The following KANK1 variants were observed in gnomAD, a reference collection of about 807,000 sequenced individuals.
KANK1 encodes KN motif and ankyrin repeat domain-containing protein 1.
Under a neutral mutation model 106.2 loss-of-function variants are expected in KANK1, and 109 were observed. That is an observed-to-expected ratio of 1.03 (90% CI 0.88 to 1.20). KANK1 has a LOEUF of 1.20. Among genes scored for constraint, KANK1 ranks in the 50% most tolerant of loss-of-function variants. The pLI, the probability that KANK1 is intolerant of heterozygous loss-of-function variation, is 0.00. For synonymous variants in KANK1, 873 were observed against 652.2 expected, an observed-to-expected ratio of 1.34 and a Z score of -5.16; for missense variants, 2,399 against 1,710.7, an observed-to-expected ratio of 1.40 and a Z score of -7.10.
chr9:555,417 C>A (rs1191647195), intron 1 of KANK1, among the ~76,000 whole-genome samples: 1 of 152,210 alleles, frequency 6.6e-6, no homozygotes, highest in Admixed American at 6.5e-5. Flanking sequence ...CTCTTCCACT[C>A]AGTCTGCTAT....
chr9:721,297 A>C (rs2131329957), intron 3 of KANK1, among the ~76,000 whole-genome samples: 1 of 152,324 alleles, frequency 6.6e-6, no homozygotes, highest in African/African-American at 2.4e-5. Flanking sequence ...GAAAAGAGGA[A>C]GTCACCTAAT....
chr9:472,662 A>G (rs2058041283), intron 2 of KANK1, among the ~76,000 whole-genome samples: 1 of 152,196 alleles, frequency 6.6e-6, no homozygotes. Context: ...GCTAGTATAG[A>G]AAGAGATCCA....
At chr9:483,123 C>T (rs1371360134) in intron 3 of KANK1, among the ~76,000 whole-genome samples, 1 of 151,984 alleles carries the variant, frequency 6.6e-6, no homozygotes, top group African/African-American at 2.4e-5. Flanking sequence ...AGTTGTTATC[C>T]TTTATTGTAC....
At chr9:570,929 G>A (rs1489405616) in intron 1 of KANK1, among the ~76,000 whole-genome samples, 1 of 152,146 alleles carries the variant, frequency 6.6e-6, no homozygotes, top group African/African-American at 2.4e-5. Context: ...TGAAATCTGT[G>A]TGGAATTTTT....
At position 613,986 on chromosome 9, in the gene KANK1, C is replaced by T. The variant is rs777579220; in HGVS notation, c.-83-62904C>T. On this transcript the variant is annotated intron_variant, in intron 1 of 11. Transcript: ENST00000382297. Reference sequence around the variant, plus strand: ...TTTCTCCTCCCCTCTTATTTGAGGCCGGGAAGAAGGCGCTGTGCATAGCGC... The same window carrying T: ...TTTCTCCTCCCCTCTTATTTGAGGCTGGGAAGAAGGCGCTGTGCATAGCGC... 3.9e-5 allele frequency among the ~76,000 whole-genome samples: 6 copies of T among 152,080 alleles called. No homozygotes were observed. In the East Asian group the frequency reaches 5.8e-4, roughly 15 times the overall value.
rs373895812 is a variant in KANK1 at position 608,781 on chromosome 9, C to CT, written c.-83-68107dup. Among the ~76,000 whole-genome samples the CT allele has an allele frequency of 9.7e-4, 147 of 152,318 alleles. 1 individual carries two copies. The highest frequency in any genetic ancestry group is 3.4e-3 in the African/African-American group (140 of 41,568). ...TAGATGAAGGCAACTCACAGAGTTA[C>CT]TTAACAACCTCCACCCCAGTTGATG... On this transcript the variant is annotated intron_variant, in intron 1 of 11. Coordinates refer to ENST00000382297, the MANE Select transcript of KANK1 (RefSeq NM_015158.5).
Position 597,520 on chromosome 9 carries a change from T to C in KANK1, c.-83-79370T>C, listed in dbSNP as rs796856511. 4.6e-5 allele frequency among the ~76,000 whole-genome samples: 7 copies of C among 151,906 alleles called. 1 individual carries two copies. Among genetic ancestry groups the C allele is most frequent in the African/African-American group, 1.7e-4 (7 of 41,186 alleles). ...TTTGTATATCTTCTTTGGAGACATG[T>C]CTGTTGAAGTCCTTTGCCCATTTAA... On this transcript the variant is annotated intron_variant, in intron 1 of 11. Coordinates refer to ENST00000382297, the MANE Select transcript of KANK1 (RefSeq NM_015158.5).
chr9:681,788 A>G (rs985464944), intron 2 of KANK1, among the ~76,000 whole-genome samples: 6 of 152,124 alleles, frequency 3.9e-5, no homozygotes, highest in Admixed American at 3.3e-4. Context: ...CATTAAACCC[A>G]GTTAAATGAC....
chr9:572,955 T>G (rs899012116), intron 1 of KANK1, among the ~76,000 whole-genome samples: 1 of 152,222 alleles, frequency 6.6e-6, no homozygotes, highest in African/African-American at 2.4e-5. Context: ...ATTATCACAA[T>G]GTATGTCCTA....
chr9:583,948 G>A (rs1822808953), intron 1 of KANK1, among the ~76,000 whole-genome samples: 2 of 152,092 alleles, frequency 1.3e-5, no homozygotes, highest in Admixed American at 1.3e-4. Context: ...TTGTTAGAGG[G>A]GGTGTGGAGG....
chr9:647,005 A>G (rs1839819478), intron 1 of KANK1, among the ~76,000 whole-genome samples: 2 of 150,962 alleles, frequency 1.3e-5, no homozygotes, highest in South Asian at 4.1e-4. Flanking sequence ...CCCCTTAAAC[A>G]TCATTGTAAA....
chr9:741,007 C>A, intron 9 of KANK1, 73 bp downstream of exon 9: 1 of 1,540,196 alleles, frequency 6.5e-7, no homozygotes. Flanking sequence ...GCCATTCTGG[C>A]AGAGCAGGCA....
At chr9:717,021 C>T (rs1827898636) in intron 3 of KANK1, among the ~76,000 whole-genome samples, 1 of 151,748 alleles carries the variant, frequency 6.6e-6, no homozygotes, top group African/African-American at 2.4e-5. Flanking sequence ...CACGGTGGCT[C>T]ACACCTGTAA....
intron 1 of KANK1, among the ~76,000 whole-genome samples, chr9:530,761 G>C (rs1168333447): frequency 6.6e-6 from 1 of 152,182 alleles, no homozygotes; most frequent in African/African-American, 2.4e-5. Flanking sequence ...GGCCCAGGAA[G>C]GTGGAGTGCT....
At chr9:743,028 C>G (rs1376750308) in intron 10 of KANK1, among the ~76,000 whole-genome samples, 1 of 152,174 alleles carries the variant, frequency 6.6e-6, no homozygotes, top group African/African-American at 2.4e-5. Context: ...CCGGGAAACT[C>G]AACCAAAGGG....
chr9:645,439 TAAAAAAAAAAAAA>T (rs376740141), intron 1 of KANK1, among the ~76,000 whole-genome samples: 5 of 70,252 alleles, frequency 7.1e-5, no homozygotes, highest in Admixed American at 5.2e-4. Context: ...GACTGTGTCT[TAAAAAAAAAAAAA>T]AAAAAAAAAG....
At chr9:630,953 T>TA (rs1835574229) in intron 1 of KANK1, among the ~76,000 whole-genome samples, 4 of 135,088 alleles carry the variant, frequency 3.0e-5, no homozygotes, top group Non-Finnish European at 6.5e-5. Flanking sequence ...AGACTCTGTC[T>TA]CAAAAAACAA....
At chr9:555,421 C>T (rs1336264016) in intron 1 of KANK1, among the ~76,000 whole-genome samples, 2 of 152,178 alleles carry the variant, frequency 1.3e-5, no homozygotes, top group Non-Finnish European at 2.9e-5. Context: ...TCCACTCAGT[C>T]TGCTATGTAT....
chr9:592,122 A>G (rs1242181370), intron 1 of KANK1, among the ~76,000 whole-genome samples: 4 of 151,840 alleles, frequency 2.6e-5, no homozygotes, highest in South Asian at 2.1e-4. Flanking sequence ...AATTGTAGGA[A>G]AAGATGCAAA....
Sources: allele counts gnomAD v4.1 joint callset (sites outside exome capture counted in the v4.1 genomes callset), GRCh38; gene constraint gnomAD v4.1.1; transcripts MANE v1.5; gene names NCBI Gene and HGNC (gene_info 2026-07-23, HGNC 2026-07-21).